Variants in GPC5 observed in about 807,000 individuals in gnomAD.
GPC5 encodes the protein glypican 5.
A neutral mutation model predicts 53.9 loss-of-function variants in GPC5; 47 were observed. The observed-to-expected ratio is 0.87, with a 90% confidence interval of 0.69 to 1.11. The LOEUF is 1.11. Ranked by LOEUF, GPC5 falls within the 50% of genes most tolerant of loss-of-function variation. The pLI is 0.00. For missense variants in GPC5, 748 were observed against 713.1 expected, an observed-to-expected ratio of 1.05 and a Z score of -0.56; for synonymous variants, 286 against 263.3, an observed-to-expected ratio of 1.09 and a Z score of -0.84.
At chr13:91,451,120 A>AT (rs991570867) in intron 2 of GPC5, among the ~76,000 whole-genome samples, 138 of 152,070 alleles carry the variant, frequency 9.1e-4, no homozygotes, top group Middle Eastern at 3.4e-3. Context: ...CAGCCAACAC[A>AT]TTTTTTTTGG....
chr13:91,634,174 A>C (rs1487254623), intron 2 of GPC5, among the ~76,000 whole-genome samples: 1 of 152,096 alleles, frequency 6.6e-6, no homozygotes, highest in Admixed American at 6.6e-5. Flanking sequence ...TAATAGTAAA[A>C]ATTCTTATTA....
chr13:92,251,543 C>G lies in GPC5; in HGVS notation c.1561+106554C>G, dbSNP rs535258686. ...AGTGGTCTTTAGGATGTCACCCCAC[C>G]GATTTGCTCCCTACATGATCATGGG... is the stretch of plus-strand genomic sequence containing the variant. On this transcript the variant is annotated intron_variant, in intron 7 of 7. Coordinates refer to ENST00000377067, the MANE Select transcript of GPC5 (RefSeq NM_004466.6). 5.9e-5 allele frequency among the ~76,000 whole-genome samples: 9 copies of G among 151,674 alleles called. No homozygotes were observed. In the South Asian group the frequency reaches 1.9e-3, roughly 32 times the overall value.
rs72642603 is a variant in GPC5, at chr13:92,778,968, C to T, written c.1562-87314C>T. 1.4e-3 allele frequency among the ~76,000 whole-genome samples: 203 copies of T among 140,880 alleles called. 1 individual carries two copies. The highest frequency in any genetic ancestry group is 4.7e-3 in the African/African-American group (185 of 39,714). 92.4% of individuals were successfully genotyped at this position (140,880 alleles called of 152,430 possible). A position where few individuals can be genotyped will look rare whatever the true frequency, so the allele number is the denominator to read the frequency against. On this transcript the variant is annotated intron_variant, in intron 7 of 7. Transcript: ENST00000377067. ...TGTGTATGAATATGTGCAAGATATA[C>T]ACACACACACACACACACACATATA...
rs950698462 is a variant in GPC5 at position 91,495,972 on chromosome 13, G to T, written c.325+47050G>T. On this transcript the variant is annotated intron_variant, in intron 2 of 7. Coordinates refer to ENST00000377067, the MANE Select transcript of GPC5 (RefSeq NM_004466.6). ...CGGGAGGCAGAGGTTGCAGTGAGCC[G>T]AGATAGCACCACTGCACTTCAGCCT... Among the ~76,000 whole-genome samples, 3 of 151,912 alleles carry T rather than the reference G, an allele frequency of 2.0e-5. No individual in the cohort carries two copies. In the South Asian group the frequency reaches 6.2e-4, roughly 31 times the overall value.
intron 7 of GPC5, among the ~76,000 whole-genome samples, chr13:92,811,103 C>T (rs1014049821): frequency 6.6e-6 from 1 of 151,892 alleles, no homozygotes; most frequent in African/African-American, 2.4e-5. Context: ...CATGAATATA[C>T]AAATTTTGTT....
intron 7 of GPC5, among the ~76,000 whole-genome samples, chr13:92,746,651 TTA>T (rs1329207007): frequency 6.6e-6 from 1 of 152,096 alleles, no homozygotes; most frequent in African/African-American, 2.4e-5. Context: ...TAATGACACT[TTA>T]TGAAGTGGCC....
In GPC5 at chr13:91,644,888, A is replaced by G. The variant is rs373822051; in HGVS notation, c.326-48299A>G. Among the ~76,000 whole-genome samples, 91 of 152,370 alleles carry G rather than the reference A, an allele frequency of 6.0e-4. 1 individual carries two copies. In the East Asian group the frequency reaches 0.017, roughly 29 times the overall value. ...AAAAATTTAAAATGTGCTGTTTATT[A>G]GGGAATAATAACTTAAAGACTGTTA... On this transcript the variant is annotated intron_variant, in intron 2 of 7. Coordinates refer to ENST00000377067, the MANE Select transcript of GPC5 (RefSeq NM_004466.6).
intron 7 of GPC5, among the ~76,000 whole-genome samples, chr13:92,656,173 C>G (rs750659783): frequency 1.4e-4 from 21 of 152,068 alleles, no homozygotes; most frequent in Non-Finnish European, 2.5e-4. Context: ...GTTTAGAAAA[C>G]AGCACAGGGC....
intron 6 of GPC5, among the ~76,000 whole-genome samples, chr13:91,926,368 A>G (rs1594668109): frequency 1.3e-5 from 2 of 151,774 alleles, no homozygotes; most frequent in Admixed American, 1.3e-4. Context: ...CTAAAAAAAA[A>G]AAAAAAAAAA....
At chr13:91,978,251 T>G (rs893570803) in intron 6 of GPC5, among the ~76,000 whole-genome samples, 1 of 152,246 alleles carries the variant, frequency 6.6e-6, no homozygotes, top group South Asian at 2.1e-4. Flanking sequence ...TTCGGATTAC[T>G]GCTATTTTTT....
intron 7 of GPC5, among the ~76,000 whole-genome samples, chr13:92,555,023 A>C (rs1882446726): frequency 6.6e-6 from 1 of 151,162 alleles, no homozygotes; most frequent in African/African-American, 2.4e-5. Flanking sequence ...AACTGGTAAA[A>C]GGTTTCTTTT....
intron 2 of GPC5, among the ~76,000 whole-genome samples, chr13:91,522,507 C>T (rs1355249262): frequency 6.6e-6 from 1 of 152,092 alleles, no homozygotes; most frequent in Non-Finnish European, 1.5e-5. Context: ...TTTCTGTTTA[C>T]ACATAATTTA....
intron 7 of GPC5, among the ~76,000 whole-genome samples, chr13:92,351,242 A>C (rs988769994): frequency 5.3e-5 from 8 of 151,950 alleles, no homozygotes; most frequent in African/African-American, 1.9e-4. Context: ...ACAAATGAAA[A>C]GATACTAACT....
At chr13:91,449,395 A>C (rs1236135550) in intron 2 of GPC5, among the ~76,000 whole-genome samples, 1 of 152,080 alleles carries the variant, frequency 6.6e-6, no homozygotes, top group South Asian at 2.1e-4. Context: ...TGTGCAGAAC[A>C]TGCAGGTTTG....
intron 6 of GPC5, among the ~76,000 whole-genome samples, chr13:92,056,744 T>A (rs1429597788): frequency 6.6e-6 from 1 of 152,216 alleles, no homozygotes; most frequent in African/African-American, 2.4e-5. Context: ...CTTATTTCTT[T>A]GTTTCATTTT....
At chr13:91,824,646 G>A (rs1186597924) in intron 5 of GPC5, among the ~76,000 whole-genome samples, 5 of 151,936 alleles carry the variant, frequency 3.3e-5, no homozygotes, top group African/African-American at 4.8e-5. Context: ...ATTCAAAAAT[G>A]CCTATCTCAG....
In GPC5 at chr13:92,600,463, GT is replaced by G. The variant is rs200410226; in HGVS notation, c.1562-265810del. Among the ~76,000 whole-genome samples the G allele has an allele frequency of 2.9e-3, 440 of 150,230 alleles. 2 individuals are homozygous for G. Among genetic ancestry groups the G allele is most frequent in the African/African-American group, 0.01 (412 of 40,828 alleles). On this transcript the variant is annotated intron_variant, in intron 7 of 7. Coordinates refer to ENST00000377067, the MANE Select transcript of GPC5 (RefSeq NM_004466.6). ...GCCAGTTAAGAAAGTATTCCCATGT[GT>G]TTTTTTTTCTTTTCAATTCATTCAT...
chr13:91,469,755 T>A (rs1882491597), intron 2 of GPC5, among the ~76,000 whole-genome samples: 1 of 152,126 alleles, frequency 6.6e-6, no homozygotes, highest in Admixed American at 6.5e-5. Flanking sequence ...TGAAAAAAAA[T>A]ACCTGGCTGG....
At chr13:92,838,587 G>A (rs8000315) in intron 7 of GPC5, among the ~76,000 whole-genome samples, 1 of 151,466 alleles carries the variant, frequency 6.6e-6, no homozygotes, top group Non-Finnish European at 1.5e-5. Context: ...CAAAACTTAC[G>A]AAATACATGA....
Sources: allele counts gnomAD v4.1 joint callset (sites outside exome capture counted in the v4.1 genomes callset), GRCh38; gene constraint gnomAD v4.1.1; transcripts MANE v1.5; gene names NCBI Gene and HGNC (gene_info 2026-07-23, HGNC 2026-07-21).